The following CSMD1 variants were observed in gnomAD, a reference collection of about 807,000 sequenced individuals.
CSMD1 encodes CUB and Sushi multiple domains 1.
A neutral mutation model predicts 417.5 loss-of-function variants in CSMD1; 213 were observed. The ratio of observed to expected loss-of-function variants is 0.51; its 90% CI spans 0.46 to 0.57. CSMD1 has a LOEUF of 0.57. Ranked by LOEUF, CSMD1 falls within the 20% of genes least tolerant of loss-of-function variation. CSMD1 has a pLI of 0.00. For missense variants in CSMD1, 6,923 were observed against 4,529.7 expected (o/e 1.53, Z -15.17); for synonymous variants, 2,862 against 1,736.8 (o/e 1.65, Z -16.11).
intron 2 of CSMD1, among the ~76,000 whole-genome samples, chr8:4,587,762 T>A (rs915284590): frequency 2.0e-5 from 3 of 152,220 alleles, no homozygotes; most frequent in Non-Finnish European, 4.4e-5. Context: ...TTATAGTAGA[T>A]GCTAACACAA....
intron 8 of CSMD1, among the ~76,000 whole-genome samples, chr8:3,611,945 T>A (rs1186547417): frequency 6.6e-6 from 1 of 152,146 alleles, no homozygotes; most frequent in Non-Finnish European, 1.5e-5. Context: ...TAAGATGACA[T>A]CATTTGCCAA....
rs114742363 is a variant in CSMD1, at chr8:4,168,855, G to C, written c.416-136756C>G. On this transcript the variant is annotated intron_variant, in intron 3 of 69. Coordinates refer to ENST00000635120, the MANE Select transcript of CSMD1 (RefSeq NM_033225.6). ...TCTGTTGTCTTCAGCCTCCACCACA[G>C]TTGCTTTAGACACGGTGACTGATGA... Among the ~76,000 whole-genome samples, 1,392 of 152,080 alleles carry C rather than the reference G, an allele frequency of 9.2e-3. 26 individuals carry two copies. Among genetic ancestry groups the C allele is most frequent in the African/African-American group, 0.027 (1,111 of 41,430 alleles).
chr8:3,419,232 T>C (rs1160686450), intron 12 of CSMD1, among the ~76,000 whole-genome samples: 1 of 152,210 alleles, frequency 6.6e-6, no homozygotes, highest in East Asian at 1.9e-4. Context: ...CACAGAAGGA[T>C]ACTATCAGGC....
intron 1 of CSMD1, among the ~76,000 whole-genome samples, chr8:4,925,685 T>C (rs1228494228): frequency 2.0e-5 from 3 of 152,096 alleles, no homozygotes; most frequent in Non-Finnish European, 4.4e-5. Context: ...TAGCTGGGAC[T>C]ACAGGCGCCC....
At chr8:3,759,021 A>G (rs886293330) in intron 5 of CSMD1, among the ~76,000 whole-genome samples, 2 of 152,204 alleles carry the variant, frequency 1.3e-5, no homozygotes, top group Non-Finnish European at 2.9e-5. Flanking sequence ...AAACGCAAAC[A>G]AACGCCTTTT....
intron 1 of CSMD1, among the ~76,000 whole-genome samples, chr8:4,813,877 T>A (rs1456041698): frequency 6.6e-6 from 1 of 152,202 alleles, no homozygotes; most frequent in Non-Finnish European, 1.5e-5. Flanking sequence ...GTGTTTTCCA[T>A]TAGAGAATAT....
chr8:4,745,071 T>A (rs577839120), intron 1 of CSMD1, among the ~76,000 whole-genome samples: 2 of 152,268 alleles, frequency 1.3e-5, no homozygotes, highest in South Asian at 4.1e-4. Context: ...TAGTTTTTGG[T>A]CAATAAAATC....
chr8:4,780,246 G>A lies in CSMD1; in HGVS notation c.86-142688C>T, dbSNP rs191910480. The stretch of plus-strand genomic sequence containing the variant: ...CAAAACCTTTATTTATGACTGCCCT[G>A]AAGGTGTGCAGATTGGCATGCTTTC... On this transcript the variant is annotated intron_variant, in intron 1 of 69. Transcript: ENST00000635120. Among the ~76,000 whole-genome samples, 25 of 152,326 alleles carry A rather than the reference G, an allele frequency of 1.6e-4. No individual in the cohort carries two copies. In the East Asian group the frequency reaches 4.2e-3, roughly 26 times the overall value.
chr8:3,249,103 A>C (rs1437579452), intron 26 of CSMD1, among the ~76,000 whole-genome samples: 1 of 152,170 alleles, frequency 6.6e-6, no homozygotes, highest in Non-Finnish European at 1.5e-5. Flanking sequence ...GAAGTGTTTA[A>C]AGCACTTAGC....
intron 17 of CSMD1, among the ~76,000 whole-genome samples, chr8:3,393,632 A>C (rs1811480941): frequency 6.6e-6 from 1 of 152,188 alleles, no homozygotes; most frequent in Non-Finnish European, 1.5e-5. Flanking sequence ...AATATGGCAC[A>C]TATACACAAT....
chr8:4,734,724 T>G (rs1289090466), intron 1 of CSMD1, among the ~76,000 whole-genome samples: 1 of 152,216 alleles, frequency 6.6e-6, no homozygotes, highest in Non-Finnish European at 1.5e-5. Context: ...TCTATTGTTT[T>G]CATAGGCAAA....
intron 2 of CSMD1, among the ~76,000 whole-genome samples, chr8:4,635,344 G>GAA (rs1802759999): frequency 2.0e-5 from 3 of 151,990 alleles, no homozygotes; most frequent in Non-Finnish European, 4.4e-5. Context: ...TGTCGATCCT[G>GAA]TTATAATATT....
At chr8:4,509,927 A>G (rs549004781) in intron 2 of CSMD1, among the ~76,000 whole-genome samples, 1 of 152,270 alleles carries the variant, frequency 6.6e-6, no homozygotes, top group South Asian at 2.1e-4. Context: ...ATAGAGGTAT[A>G]TGAAAGCCTT....
rs185696167 is a variant in CSMD1, at chr8:3,760,773, G to T, written c.819-6731C>A. Among the ~76,000 whole-genome samples, 3 of 152,192 alleles carry T rather than the reference G, an allele frequency of 2.0e-5. No homozygotes were observed. The East Asian group carries it at 5.8e-4, about 29-fold the overall frequency. On this transcript the variant is annotated intron_variant, in intron 5 of 69. Transcript: ENST00000635120. The stretch of plus-strand genomic sequence containing the variant: ...TAGAAAATCATCAGAGAAATGTCTG[G>T]GGGTCCCTCTGCAGTTAAGTCTCTT...
At chr8:3,019,487 A>G (rs7845140) in intron 51 of CSMD1, among the ~76,000 whole-genome samples, 8,366 of 152,270 alleles carry the variant, frequency 0.055, 241 homozygotes, top group African/African-American at 0.074. Context: ...AGGACTTCGG[A>G]ATGCAATAGC....
intron 2 of CSMD1, among the ~76,000 whole-genome samples, chr8:4,583,963 C>G (rs1476087612): frequency 1.3e-5 from 2 of 152,034 alleles, no homozygotes; most frequent in Non-Finnish European, 2.9e-5. Context: ...AGCTTCACTC[C>G]TGAAGCCAAC....
chr8:4,256,577 G>A (rs1449463728), intron 3 of CSMD1, among the ~76,000 whole-genome samples: 2 of 152,164 alleles, frequency 1.3e-5, no homozygotes, highest in South Asian at 2.1e-4. Context: ...AACCCCATGG[G>A]AAGGGGTTTA....
intron 2 of CSMD1, among the ~76,000 whole-genome samples, chr8:4,586,524 T>A (rs1016009455): frequency 1.3e-5 from 2 of 152,184 alleles, no homozygotes; most frequent in African/African-American, 4.8e-5. Flanking sequence ...AGCTTGGCAA[T>A]TTTCCAGGAA....
In CSMD1 at chr8:2,940,656, C is replaced by A. The variant is rs147297618; in HGVS notation, c.10535+1816G>T. Among the ~76,000 whole-genome samples, 257 of 152,304 alleles carry A rather than the reference C, an allele frequency of 1.7e-3. 1 individual carries two copies. The highest frequency in any genetic ancestry group is 5.7e-3 in the African/African-American group (237 of 41,568). Reference sequence around the variant, plus strand: ...ATGTTGGATATAGCCCCCAATGCTACATTGCCTTAAAGTTAAGATATAATC... The same window carrying A: ...ATGTTGGATATAGCCCCCAATGCTAAATTGCCTTAAAGTTAAGATATAATC... On this transcript the variant is annotated intron_variant, in intron 69 of 69. Transcript: ENST00000635120.
Sources: allele counts gnomAD v4.1 joint callset (sites outside exome capture counted in the v4.1 genomes callset), GRCh38; gene constraint gnomAD v4.1.1; transcripts MANE v1.5; gene names NCBI Gene and HGNC (gene_info 2026-07-23, HGNC 2026-07-21).